The following SFTPD variants were observed in gnomAD, a reference collection of about 807,000 sequenced individuals.
The protein encoded by SFTPD is surfactant protein D, also known as pulmonary surfactant-associated protein D.
In SFTPD, 18 loss-of-function variants were observed where a neutral mutation model predicts 34.6. The observed-to-expected ratio is 0.52, with a 90% CI of 0.36 to 0.77. The LOEUF is 0.77. SFTPD is among the 30% of genes least tolerant of loss of function. The pLI is 0.00. For missense variants in SFTPD, 433 were observed against 468.9 expected (o/e 0.92, Z 0.71); for synonymous variants, 155 against 180.9 (o/e 0.86, Z 1.15).
chr10:79,947,403 G>T lies in SFTPD; in HGVS notation c.-3-741C>A, dbSNP rs994682051. ...CTGAGAGGGTTTGGAAAAGAAGTAT[G>T]TGGAGTCTGGGCACGGTCGCTCATG... On this transcript the variant is annotated intron_variant, in intron 1 of 7. Transcript: ENST00000372292. 5.9e-5 allele frequency among the ~76,000 whole-genome samples: 9 copies of T among 152,196 alleles called. No individual in the cohort carries two copies. In the South Asian group the frequency reaches 1.2e-3, roughly 21 times the overall value.
intron 1 of SFTPD, among the ~76,000 whole-genome samples, chr10:79,979,175 A>G (rs1842877990): frequency 6.6e-6 from 1 of 152,230 alleles, no homozygotes; most frequent in African/African-American, 2.4e-5. Context: ...ATATCTAGGA[A>G]TAAATTTAAC....
chr10:79,947,168 T>C (rs1842674215), intron 1 of SFTPD, among the ~76,000 whole-genome samples: 1 of 152,262 alleles, frequency 6.6e-6, no homozygotes, highest in African/African-American at 2.4e-5. Flanking sequence ...ATAGTGCTGG[T>C]CTGAAAATGC....
chr10:79,978,907 G>A (rs1387219617), intron 1 of SFTPD, among the ~76,000 whole-genome samples: 1 of 151,288 alleles, frequency 6.6e-6, no homozygotes. Context: ...AAGAAAGAAA[G>A]AAGTAAAATT....
intron 1 of SFTPD, among the ~76,000 whole-genome samples, chr10:79,978,910 G>GAAA: frequency 6.6e-6 from 1 of 151,206 alleles, no homozygotes; most frequent in Non-Finnish European, 1.5e-5. Context: ...AAAGAAAGAA[G>GAAA]TAAAATTGTC....
In SFTPD at chr10:79,942,892, A is replaced by C; in HGVS notation, c.200-13T>G. ...GCTCCTGGCAAACCTGTAGCAGCAG[A>C]AGAAATGGACAAAGACCTGGCCCTA... On this transcript the variant is annotated splice_polypyrimidine_tract_variant and intron_variant, in intron 2 of 7. Transcript: ENST00000372292. 1 of 1,571,432 alleles carries C rather than the reference A, an allele frequency of 6.4e-7. No homozygotes were observed. Among genetic ancestry groups the C allele is most frequent in the African/African-American group, 1.3e-5 (1 of 74,264 alleles).
At position 79,946,610 on chromosome 10, in the gene SFTPD, C is replaced by A; in HGVS notation, c.50G>T (p.Gly17Val). The A allele has an allele frequency of 6.2e-7, 1 of 1,614,182 alleles. No homozygotes were observed. Among genetic ancestry groups the A allele is most frequent in the South Asian group, 1.1e-5 (1 of 91,070 alleles). The change falls in exon 2 of 8, where the codon GGC becomes GTC. Residue 17 changes from glycine (G) to valine (V), a missense_variant. Gly to Val is a moderately radical substitution (Grantham distance 109). Transcript: ENST00000372292. ...SALVLLTQPL[G>V]YLEAEMKTYS... ...GGTCTTCATTTCTGCTTCCAGGTAGCCCAGGGGCTGTGTGAGCAGGACCAG... is the reference window on the plus strand; with the variant it reads ...GGTCTTCATTTCTGCTTCCAGGTAGACCAGGGGCTGTGTGAGCAGGACCAG...
intron 4 of SFTPD, 148 bp from the exon 5 acceptor site, chr10:79,942,218 G>A (rs1842620441): frequency 2.7e-6 from 2 of 749,374 alleles, no homozygotes; most frequent in Non-Finnish European, 4.5e-6. Flanking sequence ...CCTCTGTGGA[G>A]GGTGAGAGGA....
chr10:79,958,846 T>C (rs866024644), intron 1 of SFTPD, among the ~76,000 whole-genome samples: 2,539 of 152,162 alleles, frequency 0.017, 80 homozygotes, highest in African/African-American at 0.058. Flanking sequence ...TATACATTTT[T>C]TTCAGCACCA....
At chr10:79,942,260 C>A (rs759677417) in intron 4 of SFTPD, 128 bp downstream of exon 4, 1 of 751,166 alleles carries the variant, frequency 1.3e-6, no homozygotes, top group African/African-American at 1.7e-5. Context: ...TGGGAGGGTG[C>A]ATGGCAAGCC....
At chr10:79,946,193 G>T (rs933569010) in intron 2 of SFTPD, among the ~76,000 whole-genome samples, 2 of 152,192 alleles carry the variant, frequency 1.3e-5, no homozygotes, top group African/African-American at 4.8e-5. Context: ...CCAGATATCA[G>T]TAATTTACCA....
At chr10:79,938,635 G>A (rs1442692890) in intron 7 of SFTPD, among the ~76,000 whole-genome samples, 1 of 152,230 alleles carries the variant, frequency 6.6e-6, no homozygotes, top group Non-Finnish European at 1.5e-5. Flanking sequence ...GTTGATCACA[G>A]TGTAGACCAG....
At chr10:79,959,630 C>A (rs1291320747) in intron 1 of SFTPD, among the ~76,000 whole-genome samples, 3 of 152,158 alleles carry the variant, frequency 2.0e-5, no homozygotes, top group African/African-American at 7.2e-5. Context: ...CAATAACAGA[C>A]TCTGAAATTG....
chr10:79,980,312 G>A (rs952353740), intron 1 of SFTPD, among the ~76,000 whole-genome samples: 6 of 152,100 alleles, frequency 3.9e-5, no homozygotes, highest in African/African-American at 1.4e-4. Flanking sequence ...AAAGCATCAA[G>A]CAGATTCCTA....
chr10:79,941,735 C>T (rs564035917), intron 5 of SFTPD, among the ~76,000 whole-genome samples: 45 of 152,336 alleles, frequency 3.0e-4, no homozygotes, highest in African/African-American at 1.0e-3. Context: ...AACTAACCTT[C>T]CCTGTATACA....
At chr10:79,949,384 T>G (rs1478008360), upstream of SFTPD, among the ~76,000 whole-genome samples, 2 of 152,208 alleles carry the variant, frequency 1.3e-5, no homozygotes, top group Non-Finnish European at 2.9e-5. Flanking sequence ...ATTTTATAGA[T>G]GTCTAGAAAT....
chr10:79,952,912 T>G (rs951091732), upstream of SFTPD, among the ~76,000 whole-genome samples: 1 of 152,286 alleles, frequency 6.6e-6, no homozygotes, highest in Admixed American at 6.5e-5. Flanking sequence ...CTCCAACAAG[T>G]TCAGCAGTCC....
At chr10:79,964,276 CTT>C (rs1842791191) in intron 1 of SFTPD, among the ~76,000 whole-genome samples, 1 of 152,180 alleles carries the variant, frequency 6.6e-6, no homozygotes, top group Non-Finnish European at 1.5e-5. Flanking sequence ...ATTAATGCCT[CTT>C]TAATAAAAAC....
intron 1 of SFTPD, among the ~76,000 whole-genome samples, chr10:79,961,600 TCTC>T (rs1842773011): frequency 6.6e-6 from 1 of 152,262 alleles, no homozygotes; most frequent in East Asian, 1.9e-4. Flanking sequence ...TGAGATACCA[TCTC>T]ACACCAGTTA....
intron 1 of SFTPD, among the ~76,000 whole-genome samples, chr10:79,956,508 G>A (rs1265932855): frequency 2.6e-5 from 4 of 152,378 alleles, no homozygotes; most frequent in South Asian, 2.1e-4. Flanking sequence ...ATTATATCCC[G>A]CACCTGGCTT....
Sources: gnomAD v4.1 joint callset for allele counts (sites outside exome capture counted in the v4.1 genomes callset) on GRCh38, gnomAD v4.1.1 for gene constraint, MANE v1.5 for transcripts, NCBI Gene and HGNC (gene_info 2026-07-23, HGNC 2026-07-21) for gene names.